The following RUNDC3A variants were observed in gnomAD, a reference collection of about 807,000 sequenced individuals.
RUNDC3A encodes the protein RUN domain-containing protein 3A.
RUNDC3A carries 28 observed loss-of-function variants against 53.9 expected under a neutral mutation model. The observed-to-expected ratio is 0.52, with a 90% CI of 0.38 to 0.71. The LOEUF (loss-of-function observed/expected upper bound fraction) is 0.71. Among genes scored for constraint, RUNDC3A ranks in the 30% least tolerant of loss-of-function variants. The probability of loss-of-function intolerance (pLI) is 0.00; values close to 1 mark genes in which losing one functional copy is unlikely to be tolerated. For synonymous variants in RUNDC3A, 232 were observed against 249.4 expected, an observed-to-expected ratio of 0.93 and a Z score of 0.66; for missense variants, 491 against 597.3, an observed-to-expected ratio of 0.82 and a Z score of 1.85.
In RUNDC3A at chr17:44,312,622, C is replaced by T; in HGVS notation, c.150C>T (p.Pro50=). 1 of 1,585,006 alleles carries T rather than the reference C, an allele frequency of 6.3e-7. No individual in the cohort carries two copies. Among genetic ancestry groups the T allele is most frequent in the Non-Finnish European group, 8.6e-7 (1 of 1,165,922 alleles). ...TGCTGGAGAAGTACACAGCGGAGCC[C>T]ATCGATGACTCATCGGAGGAGTTTG... The part of the protein sequence containing the change: ...KTLLEKYTAE[P]IDDSSEEFVN... The change falls in exon 2 of 11, where the codon CCC becomes CCT. Residue 50 remains proline (P), a synonymous_variant. Transcript: ENST00000426726.
intron 1 of RUNDC3A, among the ~76,000 whole-genome samples, chr17:44,310,362 T>A (rs2047727068): frequency 1.3e-5 from 2 of 152,210 alleles, no homozygotes; most frequent in South Asian, 4.1e-4. Context: ...GCTCTTCCTG[T>A]CCCTCTCTGC....
intron 4 of RUNDC3A, 47 bp from the exon 5 acceptor site, chr17:44,314,688 G>GGGGCC: frequency 1.1e-6 from 1 of 931,054 alleles, no homozygotes; most frequent in Non-Finnish European, 1.5e-6. Flanking sequence ...GGGGGGGGGG[G>GGGGCC]CGCTCCAGGG....
At chr17:44,309,186 T>C (rs1043366696) in intron 1 of RUNDC3A, among the ~76,000 whole-genome samples, 9 of 151,384 alleles carry the variant, frequency 5.9e-5, no homozygotes, top group African/African-American at 2.2e-4. Context: ...TAATTGGTAC[T>C]GTAGCTTCCT....
Position 44,315,668 on chromosome 17 carries a change from G to T in RUNDC3A, c.953+59G>T. On this transcript the variant is annotated intron_variant, in intron 8 of 10. Transcript: ENST00000426726. This position sits in a 1 kb window ranked among gnomAD's most constrained non-coding sequence, Gnocchi z 6.1. ...CGCCGCCCCGACCACATCACCGGGT[G>T]AACCCCATCTTCACTTCCATCGACT... 6.1e-6 allele frequency: 8 copies of T among 1,317,398 alleles called. No individual in the cohort carries two copies. Among genetic ancestry groups the T allele is most frequent in the Non-Finnish European group, 6.9e-6 (7 of 1,017,676 alleles). The allele number at this position is 1,317,398 out of a possible 1,614,324, so 81.6% of individuals were successfully genotyped here. A position where few individuals can be genotyped will look rare whatever the true frequency, so the allele number is the denominator to read the frequency against.
chr17:44,312,708 CCCCTCCCCCAGCGGT>C lies in RUNDC3A; in HGVS notation c.223+27_223+41del, dbSNP rs1567853446. 4.8e-6 allele frequency: 7 copies of C among 1,449,340 alleles called. No homozygotes were observed. The South Asian group carries it at 8.0e-5, about 17-fold the overall frequency. 89.8% of individuals were successfully genotyped at this position (1,449,340 alleles called of 1,614,324 possible). On this transcript the variant is annotated intron_variant, in intron 2 of 10. Coordinates refer to ENST00000426726, the MANE Select transcript of RUNDC3A (RefSeq NM_001144825.2). ...CACCGCTTCAAAGGTGGGCCCAGCG[CCCCTCCCCCAGCGGT>C]CCCTCCCCCAGCGCCCCTCCCCCAG...
chr17:44,312,451 G>A (rs2047766366), intron 1 of RUNDC3A, 129 bp from the exon 2 acceptor site: 3 of 618,982 alleles, frequency 4.8e-6, no homozygotes, highest in Non-Finnish European at 8.8e-6. Flanking sequence ...CTCCCCACTC[G>A]CTCTGCCCCC....
At chr17:44,310,565 C>T (rs2047730529) in intron 1 of RUNDC3A, 2 of 288,744 alleles carry the variant, frequency 6.9e-6, no homozygotes, top group African/African-American at 2.3e-5. Context: ...GCTCAGTAAC[C>T]CCCAGGCCCC....
chr17:44,315,366 G>C lies in RUNDC3A; in HGVS notation c.795+46G>C. The C allele has an allele frequency of 8.3e-7, 1 of 1,204,122 alleles. No homozygotes were observed. The highest frequency in any genetic ancestry group is 1.1e-6 in the Non-Finnish European group (1 of 946,170). 74.6% of individuals were successfully genotyped at this position (1,204,122 alleles called of 1,614,324 possible). A position where few individuals can be genotyped will look rare whatever the true frequency, so the allele number is the denominator to read the frequency against. Reference sequence around the variant, plus strand: ...CGGGGGGCGGGCGGGCCGGGCGGGGGATCCGGGCATCCCGGGGCGGGGCGG... The same window carrying C: ...CGGGGGGCGGGCGGGCCGGGCGGGGCATCCGGGCATCCCGGGGCGGGGCGG... On this transcript the variant is annotated intron_variant, in intron 7 of 10. Transcript: ENST00000426726. The surrounding 1 kb of genome is among the most constrained non-coding windows in gnomAD (Gnocchi z 6.1).
chr17:44,309,095 G>C (rs2047699141), intron 1 of RUNDC3A, among the ~76,000 whole-genome samples, 156 bp downstream of exon 1: 1 of 152,238 alleles, frequency 6.6e-6, no homozygotes, highest in Non-Finnish European at 1.5e-5. Context: ...AGAACCCAGA[G>C]GGAGGCTGCA....
chr17:44,314,456 G>A, intron 4 of RUNDC3A: 4 of 1,351,782 alleles, frequency 3.0e-6, no homozygotes, highest in East Asian at 5.7e-5. Flanking sequence ...ATTAAGACTT[G>A]CTTCCTGATA....
intron 1 of RUNDC3A, among the ~76,000 whole-genome samples, chr17:44,311,729 C>A (rs2047750984): frequency 6.6e-6 from 1 of 152,132 alleles, no homozygotes; most frequent in African/African-American, 2.4e-5. Flanking sequence ...GGGGTAGTGA[C>A]TGCAGAGGGA....
intron 5 of RUNDC3A, 52 bp downstream of exon 5, chr17:44,314,876 T>TCCTA: frequency 6.2e-7 from 1 of 1,613,882 alleles, no homozygotes; most frequent in South Asian, 1.1e-5. Context: ...CCCATAAATG[T>TCCTA]CCTACCCCAA....
chr17:44,317,455 C>T, intron 10 of RUNDC3A: 1 of 780,822 alleles, frequency 1.3e-6, no homozygotes, highest in Non-Finnish European at 2.4e-6. Context: ...CTTGCCTGAC[C>T]ATTGTTTCCC....
chr17:44,315,706 G>GAC lies in RUNDC3A; in HGVS notation c.953+100_953+101dup. The stretch of plus-strand genomic sequence containing the variant: ...ACTTCCATCGACTCTAACATCACCC[G>GAC]ACACGAGCACCCACCTCTCCAGCAT... On this transcript the variant is annotated intron_variant, in intron 8 of 10. Coordinates refer to ENST00000426726, the MANE Select transcript of RUNDC3A (RefSeq NM_001144825.2). This position sits in a 1 kb window ranked among gnomAD's most constrained non-coding sequence, Gnocchi z 6.1. 8.7e-7 allele frequency: 1 copy of GAC among 1,145,916 alleles called. No homozygotes were observed. The highest frequency in any genetic ancestry group is 1.1e-6 in the Non-Finnish European group (1 of 876,282). 71.0% of individuals were successfully genotyped at this position (1,145,916 alleles called of 1,614,324 possible). A position where few individuals can be genotyped will look rare whatever the true frequency, so the allele number is the denominator to read the frequency against.
At chr17:44,312,157 C>T (rs964685992) in intron 1 of RUNDC3A, among the ~76,000 whole-genome samples, 1 of 152,220 alleles carries the variant, frequency 6.6e-6, no homozygotes, top group African/African-American at 2.4e-5. Context: ...TCAGGTGGGG[C>T]ACACACTGGC....
chr17:44,316,685 G>T lies in RUNDC3A; in HGVS notation c.1158G>T (p.Leu386=). ...GTCTGAGCTCGGACTCCCAGCGCCT[G>T]GGAGAGGGCACGCGGGACGAGGAGC... is the stretch of plus-strand genomic sequence containing the variant. ...EASLSSDSQR[L]GEGTRDEEPW... The change falls in exon 10 of 11, where the codon CTG becomes CTT. Residue 386 remains leucine, a synonymous_variant. Coordinates refer to ENST00000426726, the MANE Select transcript of RUNDC3A (RefSeq NM_001144825.2). 1.9e-6 allele frequency: 3 copies of T among 1,550,318 alleles called. No homozygotes were observed. The highest frequency in any genetic ancestry group is 2.6e-6 in the Non-Finnish European group (3 of 1,146,960).
rs747993506 is a variant in RUNDC3A, at chr17:44,318,230, C to T, written c.1333C>T (p.Pro445Ser). The stretch of plus-strand genomic sequence containing the variant: ...TCCCGAGGGCAGCCCAGCACTGAGC[C>T]CCAGCTGAGGAACAGCATGGGCAGT... Reference protein sequence around the residue: ...DSPEGSPALSPS With the variant: ...DSPEGSPALSSS The change falls in exon 11 of 11, where the codon CCC becomes TCC. Residue 445 changes from proline to serine, a missense_variant. Transcript: ENST00000426726. The T allele has an allele frequency of 6.4e-7, 1 of 1,550,398 alleles. No individual in the cohort carries two copies. Among genetic ancestry groups the T allele is most frequent in the Non-Finnish European group, 8.7e-7 (1 of 1,146,596 alleles).
At chr17:44,316,988 A>G (rs747154497) in intron 10 of RUNDC3A, 1 of 461,232 alleles carries the variant, frequency 2.2e-6, no homozygotes, top group Non-Finnish European at 3.8e-6. Flanking sequence ...ACGCGCAGCT[A>G]ATTTGTGTAT....
chr17:44,317,399 A>G (rs2047889469), intron 10 of RUNDC3A: 1 of 774,746 alleles, frequency 1.3e-6, no homozygotes, highest in Middle Eastern at 2.3e-4. Context: ...ACTCTCGGGG[A>G]ACTCCTTAGA....
Sources: allele counts gnomAD v4.1 joint callset (sites outside exome capture counted in the v4.1 genomes callset), GRCh38; gene constraint gnomAD v4.1.1; non-coding constraint Gnocchi (gnomAD v3.1); transcripts MANE v1.5; gene names NCBI Gene and HGNC (gene_info 2026-07-23, HGNC 2026-07-21).